Variants in PNPLA1 observed in about 807,000 individuals in gnomAD.
PNPLA1 encodes omega-hydroxyceramide transacylase.
A neutral mutation model predicts 51.7 loss-of-function variants in PNPLA1; 36 were observed. The ratio of observed to expected loss-of-function variants is 0.70; its 90% CI spans 0.53 to 0.92. PNPLA1 has a LOEUF of 0.92. Among genes scored for constraint, PNPLA1 ranks in the 40% least tolerant of loss-of-function variants. The probability of loss-of-function intolerance (pLI) is 0.00; values close to 1 mark genes in which losing one functional copy is unlikely to be tolerated. For synonymous variants in PNPLA1, 293 were observed against 280.1 expected (o/e 1.05, Z -0.46); for missense variants, 658 against 682.5 (o/e 0.96, Z 0.40).
chr6:36,279,665 G>T (rs1770218013), intron 1 of PNPLA1, among the ~76,000 whole-genome samples: 1 of 152,114 alleles, frequency 6.6e-6, no homozygotes, highest in Admixed American at 6.5e-5. Flanking sequence ...TCTCGCCCTT[G>T]GTTTTGCCAT....
At chr6:36,272,050 C>A (rs1354326814) in intron 1 of PNPLA1, among the ~76,000 whole-genome samples, 2 of 152,178 alleles carry the variant, frequency 1.3e-5, no homozygotes, top group African/African-American at 2.4e-5. Context: ...TTCCACACAC[C>A]AGGGTTGGTG....
upstream of PNPLA1, among the ~76,000 whole-genome samples, chr6:36,266,275 TG>T: frequency 6.6e-6 from 1 of 152,334 alleles, no homozygotes; most frequent in East Asian, 1.9e-4. Flanking sequence ...CCCTCAAAAA[TG>T]GTGTGAGGTA....
chr6:36,272,101 G>T (rs941138501), intron 1 of PNPLA1, among the ~76,000 whole-genome samples: 10 of 152,142 alleles, frequency 6.6e-5, no homozygotes, highest in African/African-American at 2.4e-4. Context: ...TACATTTGTT[G>T]TGCACTTTAC....
intron 1 of PNPLA1, among the ~76,000 whole-genome samples, chr6:36,244,651 G>A (rs1385697659): frequency 6.6e-6 from 1 of 152,220 alleles, no homozygotes; most frequent in Non-Finnish European, 1.5e-5. Context: ...TAGAAGGGGA[G>A]ATGCTGAACA....
At chr6:36,282,085 G>A (rs966330123) in intron 1 of PNPLA1, among the ~76,000 whole-genome samples, 6 of 130,406 alleles carry the variant, frequency 4.6e-5, no homozygotes, top group African/African-American at 1.8e-4. Flanking sequence ...AAGAAAGAAA[G>A]AAAGAAGGAA....
Position 36,303,204 on chromosome 6 carries a change from T to C in PNPLA1, c.1384+735T>C, listed in dbSNP as rs534494306. Among the ~76,000 whole-genome samples the C allele has an allele frequency of 4.8e-3, 734 of 152,206 alleles. 6 individuals are homozygous for C. Among genetic ancestry groups the C allele is most frequent in the African/African-American group, 0.017 (697 of 41,542 alleles). On this transcript the variant is annotated intron_variant, in intron 6 of 8. Coordinates refer to ENST00000636260, the MANE Select transcript of PNPLA1 (RefSeq NM_001374623.1). ...CTGCCTCCCGGGTTCACGCCATTCT[T>C]CTGCCTCAGCCTCCCGAGTAGCTGG...
chr6:36,302,520 G>C (rs1346341602), intron 6 of PNPLA1, 51 bp downstream of exon 6: 5 of 1,510,586 alleles, frequency 3.3e-6, no homozygotes, highest in Admixed American at 2.3e-5. Context: ...GAGCCCCTTG[G>C]CAAGCGAGCA....
At chr6:36,247,612 T>C (rs1018993051) in intron 1 of PNPLA1, among the ~76,000 whole-genome samples, 14 of 152,106 alleles carry the variant, frequency 9.2e-5, no homozygotes, top group African/African-American at 3.4e-4. Context: ...AGGTTTACCA[T>C]AGTATCTGGG....
At chr6:36,307,439 T>G in intron 7 of PNPLA1, 148 bp from the exon 8 acceptor site, 1 of 798,612 alleles carries the variant, frequency 1.3e-6, no homozygotes, top group Non-Finnish European at 1.8e-6. Context: ...TGATTATATT[T>G]TAAAAAAAGT....
intron 1 of PNPLA1, among the ~76,000 whole-genome samples, chr6:36,288,601 C>A (rs972790552): frequency 6.6e-6 from 1 of 151,594 alleles, no homozygotes; most frequent in Non-Finnish European, 1.5e-5. Context: ...TACAGGCGCC[C>A]GCCACCGCGC....
chr6:36,296,493 T>C (rs1006359282), intron 5 of PNPLA1, among the ~76,000 whole-genome samples: 1 of 152,210 alleles, frequency 6.6e-6, no homozygotes, highest in African/African-American at 2.4e-5. Flanking sequence ...TTTCCAAATG[T>C]TCGTGATTAT....
rs1214685370 is a variant in PNPLA1, at chr6:36,312,255, A to G, written c.*369A>G. The G allele has an allele frequency of 6.6e-6, 1 of 152,168 alleles. No homozygotes were observed. Among genetic ancestry groups the G allele is most frequent in the Non-Finnish European group, 1.5e-5 (1 of 68,042 alleles). 9.4% of individuals were successfully genotyped at this position (152,168 alleles called of 1,614,324 possible). ...AACTGTACTCAGCCATCCGGAGACC[A>G]CTTCAGCCCCATCCCCTTCCTAAAA... On this transcript the variant is annotated 3_prime_UTR_variant, in exon 9 of 9. Coordinates refer to ENST00000636260, the MANE Select transcript of PNPLA1 (RefSeq NM_001374623.1).
chr6:36,298,393 T>C (rs911707271), intron 5 of PNPLA1, among the ~76,000 whole-genome samples: 2 of 151,954 alleles, frequency 1.3e-5, no homozygotes, highest in South Asian at 4.2e-4. Context: ...GGTACATTCA[T>C]GTTTAACATA....
At position 36,271,250 on chromosome 6, in the gene PNPLA1, G is replaced by A. The variant is rs563202013; in HGVS notation, c.205+586G>A. On this transcript the variant is annotated intron_variant, in intron 1 of 8. Coordinates refer to ENST00000636260, the MANE Select transcript of PNPLA1 (RefSeq NM_001374623.1). ...AAGCTCTCACTTCACCTTCTGTCCTGCTGGTCCAGGAGCCTCAGCGAGAAG... is the reference window on the plus strand; with the variant it reads ...AAGCTCTCACTTCACCTTCTGTCCTACTGGTCCAGGAGCCTCAGCGAGAAG... Among the ~76,000 whole-genome samples the A allele has an allele frequency of 4.6e-5, 7 of 152,280 alleles. No homozygotes were observed. In the South Asian group the frequency reaches 1.5e-3, roughly 32 times the overall value.
Position 36,312,107 on chromosome 6 carries a change from A to C in PNPLA1, c.*221A>C, listed in dbSNP as rs1343675957. 2.6e-5 allele frequency: 4 copies of C among 152,244 alleles called. No homozygotes were observed. Among genetic ancestry groups the C allele is most frequent in the Non-Finnish European group, 5.9e-5 (4 of 68,048 alleles). 9.4% of individuals were successfully genotyped at this position (152,244 alleles called of 1,614,324 possible). On this transcript the variant is annotated 3_prime_UTR_variant, in exon 9 of 9. Coordinates refer to ENST00000636260, the MANE Select transcript of PNPLA1 (RefSeq NM_001374623.1). ...TGTCATAATATGCTGATTTTGTTAG[A>C]GCAAGACACTTGACTGACAACTGCT... is the stretch of plus-strand genomic sequence containing the variant.
chr6:36,288,607 C>T (rs1473073664), intron 1 of PNPLA1, among the ~76,000 whole-genome samples: 2 of 151,600 alleles, frequency 1.3e-5, no homozygotes, highest in African/African-American at 2.4e-5. Flanking sequence ...CGCCCGCCAC[C>T]GCGCCCGGCT....
chr6:36,302,050 G>A lies in PNPLA1; in HGVS notation c.965G>A (p.Gly322Asp), dbSNP rs762339323. The A allele has an allele frequency of 1.2e-6, 2 of 1,614,202 alleles. No homozygotes were observed. The highest frequency in any genetic ancestry group is 1.7e-5 in the Admixed American group (1 of 60,030). ...TGGGTTCCCAAAGGGGATGGAAGGG[G>A]CAGCCATGGTCCGCCTGTGTCCCAA... ...KEWVPKGDGR[G>D]SHGPPVSQPV... The change falls in exon 6 of 9, where the codon GGC becomes GAC. Residue 322 changes from glycine (G) to aspartate (D), a missense_variant. Gly to Asp is a moderately conservative substitution (Grantham distance 94, BLOSUM62 -1). Coordinates refer to ENST00000636260, the MANE Select transcript of PNPLA1 (RefSeq NM_001374623.1).
At chr6:36,301,618 C>T (rs536157415) in intron 5 of PNPLA1, among the ~76,000 whole-genome samples, 2 of 152,336 alleles carry the variant, frequency 1.3e-5, no homozygotes, top group South Asian at 4.1e-4. Context: ...ACATTCCTCT[C>T]TTCCTGCACT....
At chr6:36,293,553 C>T (rs1262728105) in intron 3 of PNPLA1, among the ~76,000 whole-genome samples, 7 of 152,204 alleles carry the variant, frequency 4.6e-5, no homozygotes, top group Admixed American at 6.5e-5. Flanking sequence ...CTGATCCAGG[C>T]GGTCTGAGGC....
Sources: gnomAD v4.1 joint callset for allele counts (sites outside exome capture counted in the v4.1 genomes callset) on GRCh38, gnomAD v4.1.1 for gene constraint, MANE v1.5 for transcripts, NCBI Gene and HGNC (gene_info 2026-07-23, HGNC 2026-07-21) for gene names.